Variants in SHROOM2 observed in about 807,000 individuals in gnomAD.
The protein encoded by SHROOM2 is shroom family member 2, also known as protein Shroom2.
In SHROOM2, 33 loss-of-function variants were observed where a neutral mutation model predicts 75.9. The ratio of observed to expected loss-of-function variants is 0.43; its 90% CI spans 0.33 to 0.58. The LOEUF is 0.58. Among genes scored for constraint, SHROOM2 ranks in the 20% least tolerant of loss-of-function variants. SHROOM2 has a pLI of 0.04. For missense variants in SHROOM2, 1,434 were observed against 1,461.2 expected (o/e 0.98, Z 0.30); for synonymous variants, 655 against 663.6 (o/e 0.99, Z 0.20).
At chrX:9,909,385 A>G (rs2084409085) in intron 5 of SHROOM2, among the ~76,000 whole-genome samples, 2 of 113,044 alleles carry the variant, frequency 1.8e-5, no homozygotes, top group Middle Eastern at 4.6e-3. Context: ...CAAATACTTT[A>G]TGTAGCTACT....
chrX:9,919,099 A>G (rs184105806), intron 5 of SHROOM2, among the ~76,000 whole-genome samples: 205 of 110,737 alleles, frequency 1.9e-3, no homozygotes, highest in Non-Finnish European at 3.2e-3. Flanking sequence ...TTTTGCTGCA[A>G]TCTGCTTTGT....
Position 9,860,075 on chromosome X carries a change from C to T in SHROOM2, c.166-13577C>T, listed in dbSNP as rs184499320. On this transcript the variant is annotated intron_variant, in intron 1 of 9. Coordinates refer to ENST00000380913, the MANE Select transcript of SHROOM2 (RefSeq NM_001649.4). ...TCTCCCCTGGGGGCAGTTTTGTCCT[C>T]CAGGAGACATGTGGTAACATCTGGA... Among the ~76,000 whole-genome samples the T allele has an allele frequency of 5.4e-5, 6 of 111,867 alleles. No homozygotes were observed. The East Asian group carries it at 1.1e-3, about 21-fold the overall frequency.
At chrX:9,927,405 C>T (rs2084606502) in intron 5 of SHROOM2, among the ~76,000 whole-genome samples, 1 of 101,971 alleles carries the variant, frequency 9.8e-6, no homozygotes, top group African/African-American at 3.6e-5. Context: ...TGAGGAGGAC[C>T]CTGTGGTGTG....
intron 9 of SHROOM2, 132 bp from the exon 10 acceptor site, chrX:9,946,539 G>A (rs1043445302): frequency 2.4e-5 from 14 of 577,824 alleles, no homozygotes; most frequent in East Asian, 3.6e-5. Flanking sequence ...GGACCCCATC[G>A]GATCTCTGGT....
chrX:9,811,345 T>C (rs1184729873), intron 1 of SHROOM2, among the ~76,000 whole-genome samples: 5 of 112,053 alleles, frequency 4.5e-5, no homozygotes, highest in Non-Finnish European at 7.5e-5. Flanking sequence ...ATGGGCCCAT[T>C]GGGCGATGAC....
intron 1 of SHROOM2, among the ~76,000 whole-genome samples, chrX:9,824,427 G>T (rs771466883): frequency 2.0e-3 from 221 of 111,293 alleles, no homozygotes; most frequent in African/African-American, 6.9e-3. Context: ...GACAAGAGCC[G>T]AAACTCCGTC....
intron 5 of SHROOM2, among the ~76,000 whole-genome samples, chrX:9,929,398 C>G (rs1325980872): frequency 2.7e-5 from 3 of 111,926 alleles, no homozygotes; most frequent in Non-Finnish European, 3.8e-5. Flanking sequence ...GACGATGCAG[C>G]ACACACCACT....
At chrX:9,858,030 T>C (rs2084082359) in intron 1 of SHROOM2, among the ~76,000 whole-genome samples, 1 of 111,701 alleles carries the variant, frequency 9.0e-6, no homozygotes, top group African/African-American at 3.3e-5. Flanking sequence ...GGCTTTATGT[T>C]TTCCCCGTGT....
rs1355937993 is a variant in SHROOM2, at chrX:9,895,818, A to G, written c.1910A>G (p.His637Arg). The change falls in exon 4 of 10, where the codon CAT becomes CGT. Residue 637 changes from histidine to arginine, a missense_variant. Physicochemically the swap from His to Arg is conservative, Grantham distance 29. Coordinates refer to ENST00000380913, the MANE Select transcript of SHROOM2 (RefSeq NM_001649.4). ...ATTLRNEIQMHRAKLQKSRST... is the reference protein window; with the variant it reads ...ATTLRNEIQMRRAKLQKSRST... ...ACCCTGCGGAATGAGATCCAGATGC[A>G]TAGAGCCAAGCTGCAGAAGAGCCGG... 8.3e-7 allele frequency: 1 copy of G among 1,204,574 alleles called. No individual in the cohort carries two copies.
intron 1 of SHROOM2, among the ~76,000 whole-genome samples, chrX:9,854,946 CG>C (rs1249113107): frequency 9.0e-6 from 1 of 110,551 alleles, no homozygotes; most frequent in East Asian, 2.8e-4. Context: ...GGTGAGTCTG[CG>C]GCAGATGTTC....
At chrX:9,926,100 A>G (rs1306520533) in intron 5 of SHROOM2, among the ~76,000 whole-genome samples, 1 of 111,750 alleles carries the variant, frequency 8.9e-6, no homozygotes, top group African/African-American at 3.3e-5. Context: ...ACGCAACTCC[A>G]TCTCCCACAC....
chrX:9,903,965 G>T (rs930438369), intron 5 of SHROOM2, among the ~76,000 whole-genome samples: 1 of 111,009 alleles, frequency 9.0e-6, no homozygotes, highest in Non-Finnish European at 1.9e-5. Context: ...GTTTGGTCGC[G>T]TGATTCTAGA....
chrX:9,913,276 C>T (rs1282983025), intron 5 of SHROOM2: 1 of 112,568 alleles, frequency 8.9e-6, no homozygotes, highest in Non-Finnish European at 1.9e-5. Context: ...ATCAGGTGTG[C>T]ATGTTTAGTC....
chrX:9,870,070 C>G (rs372305215), intron 1 of SHROOM2, among the ~76,000 whole-genome samples: 1 of 111,321 alleles, frequency 9.0e-6, no homozygotes, highest in Non-Finnish European at 1.9e-5. Context: ...AAAATAAAAA[C>G]TAAAAATTAG....
chrX:9,864,226 T>C (rs1408207175), intron 1 of SHROOM2, among the ~76,000 whole-genome samples: 1 of 111,408 alleles, frequency 9.0e-6, no homozygotes, highest in East Asian at 2.8e-4. Flanking sequence ...CTCACCGTTA[T>C]CAGCAACACT....
chrX:9,869,696 A>G (rs1353659686), intron 1 of SHROOM2, among the ~76,000 whole-genome samples: 2 of 112,302 alleles, frequency 1.8e-5, no homozygotes, highest in Admixed American at 1.9e-4. Context: ...TGTATATGCC[A>G]TATTTTATTT....
chrX:9,909,303 C>G (rs2084408593), intron 5 of SHROOM2, among the ~76,000 whole-genome samples: 1 of 112,478 alleles, frequency 8.9e-6, no homozygotes, highest in African/African-American at 3.2e-5. Context: ...AATCCACAGC[C>G]CAGACTGATA....
rs1453468613 is a variant in SHROOM2 at position 9,894,708 on chromosome X, G to T, written c.800G>T (p.Cys267Phe). 1.7e-6 allele frequency: 2 copies of T among 1,210,563 alleles called. No homozygotes were observed. Among genetic ancestry groups the T allele is most frequent in the Admixed American group, 2.2e-5 (1 of 46,009 alleles). ...DPQGSEEKLS[C>F]FPPRVPGDSG... is the part of the protein sequence containing the mutation. The stretch of plus-strand genomic sequence containing the variant: ...CAGGGCTCGGAGGAGAAGCTCAGTT[G>T]TTTCCCGCCCAGGGTCCCCGGTGAC... The change falls in exon 4 of 10, where the codon TGT becomes TTT. Residue 267 changes from cysteine to phenylalanine, a missense_variant. Cys to Phe is a radical substitution (Grantham distance 205, BLOSUM62 -2). Coordinates refer to ENST00000380913, the MANE Select transcript of SHROOM2 (RefSeq NM_001649.4).
intron 1 of SHROOM2, among the ~76,000 whole-genome samples, chrX:9,860,415 T>C (rs2084097070): frequency 9.0e-6 from 1 of 111,731 alleles, no homozygotes; most frequent in African/African-American, 3.3e-5. Flanking sequence ...TTGGTCTGTT[T>C]TCCCAGTCAT....
Sources: gnomAD v4.1 joint callset for allele counts (sites outside exome capture counted in the v4.1 genomes callset) on GRCh38, gnomAD v4.1.1 for gene constraint, MANE v1.5 for transcripts, NCBI Gene and HGNC (gene_info 2026-07-23, HGNC 2026-07-21) for gene names.